Variants in RARB observed in about 807,000 individuals in gnomAD.
RARB encodes the protein retinoic acid receptor beta.
In RARB, 17 loss-of-function variants were observed where a neutral mutation model predicts 51.9. The ratio of observed to expected loss-of-function variants is 0.33; its 90% CI spans 0.22 to 0.49. RARB has a LOEUF of 0.49. Among genes scored for constraint, RARB ranks in the 20% least tolerant of loss-of-function variants. RARB has a pLI of 0.99. For synonymous variants in RARB, 215 were observed against 195.4 expected (o/e 1.10, Z -0.84); for missense variants, 369 against 550.8 (o/e 0.67, Z 3.30).
intron 2 of RARB, among the ~76,000 whole-genome samples, chr3:25,484,703 G>A (rs1037750432): frequency 6.6e-6 from 1 of 152,156 alleles, no homozygotes; most frequent in African/African-American, 2.4e-5. Flanking sequence ...TTCTGTGATG[G>A]TAGAGTTGAG....
chr3:24,886,601 C>G lies in RARB; in HGVS notation c.-380+27849C>G, dbSNP rs139306501. 2.8e-3 allele frequency among the ~76,000 whole-genome samples: 424 copies of G among 152,080 alleles called. 2 individuals carry two copies. Among genetic ancestry groups the G allele is most frequent in the African/African-American group, 0.01 (415 of 41,460 alleles). On this transcript the variant is annotated intron_variant, in intron 2 of 11. Coordinates refer to the RARB transcript ENST00000383772. Reference sequence around the variant, plus strand: ...CTGAGACCACAAGCACATGCCACCACGCCTGGCTAATTTTAATTTTTGTAG... The same window carrying G: ...CTGAGACCACAAGCACATGCCACCAGGCCTGGCTAATTTTAATTTTTGTAG...
chr3:24,880,933 C>G (rs1703146699), intron 2 of RARB, among the ~76,000 whole-genome samples: 1 of 152,090 alleles, frequency 6.6e-6, no homozygotes, highest in African/African-American at 2.4e-5. Context: ...TGTAGAAGTT[C>G]TTTGGGATCT....
intron 3 of RARB, among the ~76,000 whole-genome samples, chr3:25,108,671 G>A (rs140937665): frequency 6.6e-6 from 1 of 152,122 alleles, no homozygotes; most frequent in African/African-American, 2.4e-5. Flanking sequence ...CTGCTATGGT[G>A]TTTTTGTATA....
intron 5 of RARB, among the ~76,000 whole-genome samples, chr3:25,593,299 T>C (rs1329223528): frequency 6.6e-6 from 1 of 152,188 alleles, no homozygotes; most frequent in Admixed American, 6.5e-5. Flanking sequence ...TCCTGTTTAG[T>C]GTTTCCTAAA....
At chr3:24,925,063 G>T (rs1167422611) in intron 2 of RARB, among the ~76,000 whole-genome samples, 1 of 151,998 alleles carries the variant, frequency 6.6e-6, no homozygotes, top group East Asian at 1.9e-4. Context: ...GGTAACGAAA[G>T]GCAAATCTTG....
intron 5 of RARB, among the ~76,000 whole-genome samples, chr3:25,201,327 T>G (rs1051909989): frequency 2.0e-5 from 3 of 152,212 alleles, no homozygotes; most frequent in African/African-American, 7.2e-5. Flanking sequence ...AAGGCGATTT[T>G]GGGCTGAGAC....
chr3:25,114,243 C>G (rs538495663), intron 3 of RARB, among the ~76,000 whole-genome samples: 1 of 152,200 alleles, frequency 6.6e-6, no homozygotes, highest in Non-Finnish European at 1.5e-5. Context: ...TCAGGAAACT[C>G]TTGCCTCCTT....
chr3:25,028,688 G>A (rs368297942), intron 2 of RARB, among the ~76,000 whole-genome samples: 2 of 152,170 alleles, frequency 1.3e-5, no homozygotes, highest in Non-Finnish European at 2.9e-5. Context: ...TTTACCGGGA[G>A]AGCCATGTAC....
In RARB at chr3:25,407,712, G is replaced by A. The variant is rs551761650; in HGVS notation, c.179-53481G>A. 2.5e-4 allele frequency among the ~76,000 whole-genome samples: 37 copies of A among 150,856 alleles called. 1 individual carries two copies. The South Asian group carries it at 6.9e-3, about 28-fold the overall frequency. On this transcript the variant is annotated intron_variant, in intron 5 of 11. Transcript: ENST00000383772. ...TATCCTTTTACCCTCCCTTCTACATGCCAAAGGCTGCTTACTGTGAATACT... is the reference window on the plus strand; with the variant it reads ...TATCCTTTTACCCTCCCTTCTACATACCAAAGGCTGCTTACTGTGAATACT...
At chr3:25,296,360 T>C (rs994437799) in intron 5 of RARB, among the ~76,000 whole-genome samples, 6 of 152,178 alleles carry the variant, frequency 3.9e-5, no homozygotes, top group East Asian at 1.9e-4. Context: ...AAGCTATCTA[T>C]GTCCATGGGA....
At chr3:25,131,028 T>TGATAATA (rs1699944273) in intron 3 of RARB, among the ~76,000 whole-genome samples, 1 of 149,384 alleles carries the variant, frequency 6.7e-6, no homozygotes, top group African/African-American at 2.5e-5. Context: ...AATTATATAT[T>TGATAATA]TTATCAATGA....
At chr3:25,016,667 T>A (rs1229742454) in intron 2 of RARB, among the ~76,000 whole-genome samples, 1 of 152,182 alleles carries the variant, frequency 6.6e-6, no homozygotes. Context: ...GTAATTTCCA[T>A]TGTGACACCC....
intron 4 of RARB, among the ~76,000 whole-genome samples, chr3:25,133,428 G>A (rs1367775551): frequency 1.3e-5 from 2 of 151,880 alleles, no homozygotes; most frequent in Admixed American, 6.6e-5. Context: ...CTTAGGCAGT[G>A]ACAATCTCAT....
At chr3:24,948,826 C>CAAGGCACATGTGTCAT (rs1695829061) in intron 2 of RARB, among the ~76,000 whole-genome samples, 2 of 152,172 alleles carry the variant, frequency 1.3e-5, no homozygotes, top group African/African-American at 4.8e-5. Flanking sequence ...TCATGTGTGA[C>CAAGGCACATGTGTCAT]GTGCCTGCTC....
intron 2 of RARB, among the ~76,000 whole-genome samples, chr3:24,865,338 G>A (rs996694284): frequency 6.6e-6 from 1 of 152,078 alleles, no homozygotes; most frequent in Admixed American, 6.6e-5. Context: ...ACATGTAAAT[G>A]GATGCTTGCA....
At chr3:25,398,752 C>A (rs1559384991) in intron 5 of RARB, among the ~76,000 whole-genome samples, 1 of 152,078 alleles carries the variant, frequency 6.6e-6, no homozygotes, top group African/African-American at 2.4e-5. Context: ...TATTCCATTA[C>A]AAAGATATTA....
intron 2 of RARB, among the ~76,000 whole-genome samples, chr3:25,014,793 G>A (rs1293690550): frequency 1.3e-5 from 2 of 152,046 alleles, no homozygotes; most frequent in East Asian, 3.9e-4. Flanking sequence ...TTGATAATAG[G>A]GGCTGTGTGG....
chr3:25,371,965 G>A (rs1212495800), intron 5 of RARB, among the ~76,000 whole-genome samples: 2 of 152,204 alleles, frequency 1.3e-5, no homozygotes, highest in Non-Finnish European at 2.9e-5. Flanking sequence ...ATATCGGGGT[G>A]ATGGGCATTT....
intron 2 of RARB, chr3:25,462,462 C>T (rs886340419): frequency 1.3e-5 from 2 of 152,182 alleles, no homozygotes; most frequent in East Asian, 3.8e-4. Flanking sequence ...GTTGTTTATA[C>T]ATCTAAATTG....
Sources: gnomAD v4.1 joint callset for allele counts (sites outside exome capture counted in the v4.1 genomes callset) on GRCh38, gnomAD v4.1.1 for gene constraint, MANE v1.5 for transcripts, NCBI Gene and HGNC (gene_info 2026-07-23, HGNC 2026-07-21) for gene names.